XDH: variants seen among roughly 807,000 people sequenced by gnomAD.
XDH encodes the protein xanthine dehydrogenase/oxidase.
Under a neutral mutation model 156.1 loss-of-function variants are expected in XDH, and 138 were observed. The observed-to-expected ratio is 0.88, with a 90% confidence interval of 0.77 to 1.02. The LOEUF is 1.02. XDH is among the 50% of genes least tolerant of loss of function. The probability of loss-of-function intolerance (pLI) is 0.00; values close to 1 mark genes in which losing one functional copy is unlikely to be tolerated. For missense variants in XDH, 1,849 were observed against 1,684.9 expected (o/e 1.10, Z -1.71); for synonymous variants, 669 against 625.7 (o/e 1.07, Z -1.03).
intron 17 of XDH, among the ~76,000 whole-genome samples, chr2:31,371,079 G>A (rs991079297): frequency 1.3e-5 from 2 of 152,174 alleles, no homozygotes; most frequent in Admixed American, 6.5e-5. Flanking sequence ...CACATTCATT[G>A]TGCTATCCCA....
chr2:31,341,328 C>A lies in XDH; in HGVS notation c.3585+1G>T, dbSNP rs1188175668. 40 of 1,569,898 alleles carry A rather than the reference C, an allele frequency of 2.5e-5. No homozygotes were observed. Among genetic ancestry groups the A allele is most frequent in the Non-Finnish European group, 3.3e-5 (38 of 1,154,918 alleles). Reference sequence around the variant, plus strand: ...ACCACCCTGGTCCCACTGAGCCTCACCTGTCCAATATCAATGGCAGGGTTT... The same window carrying A: ...ACCACCCTGGTCCCACTGAGCCTCAACTGTCCAATATCAATGGCAGGGTTT... On this transcript the variant is annotated splice_donor_variant, in intron 33 of 35. Transcript: ENST00000379416. LOFTEE classifies it high-confidence loss of function.
intron 1 of XDH, among the ~76,000 whole-genome samples, chr2:31,407,748 A>G (rs1412548460): frequency 6.6e-6 from 1 of 152,208 alleles, no homozygotes; most frequent in Non-Finnish European, 1.5e-5. Context: ...AAAAATAACC[A>G]TAAGATTTTT....
At chr2:31,414,467 GTTACCAAAA>G (rs1457563110) in intron 1 of XDH, among the ~76,000 whole-genome samples, 149 bp downstream of exon 1, 1 of 151,824 alleles carries the variant, frequency 6.6e-6, no homozygotes, top group African/African-American at 2.4e-5. Context: ...CTTCCCTAAT[GTTACCAAAA>G]TGCAGCGACA....
chr2:31,364,998 T>A (rs1230590828), intron 23 of XDH, among the ~76,000 whole-genome samples: 1 of 152,172 alleles, frequency 6.6e-6, no homozygotes, highest in African/African-American at 2.4e-5. Context: ...GAGAGAAGTG[T>A]GGACCGTGTC....
At chr2:31,385,329 A>T (rs1249248252) in intron 9 of XDH, among the ~76,000 whole-genome samples, 1 of 152,132 alleles carries the variant, frequency 6.6e-6, no homozygotes, top group Non-Finnish European at 1.5e-5. Flanking sequence ...GTCTCAGCCC[A>T]CCCTGCTGCC....
At position 31,386,554 on chromosome 2, in the gene XDH, C is replaced by T; in HGVS notation, c.653G>A (p.Arg218Lys). The change falls in exon 9 of 36, where the codon AGG becomes AAG. Residue 218 changes from arginine (R) to lysine (K), a missense_variant and splice_region_variant. Physicochemically the swap from Arg to Lys is conservative, Grantham distance 26. Transcript: ENST00000379416. The stretch of plus-strand genomic sequence containing the variant: ...CTGCTTCCGAGGAGTGTCTTTCAGC[C>T]TCTGGGAAATGCAGTTTTCTTACTA... ...QEPIFPPELL[R>K]LKDTPRKQLR... is the part of the protein sequence containing the mutation. 1 of 1,614,186 alleles carries T rather than the reference C, an allele frequency of 6.2e-7. No homozygotes were observed. Among genetic ancestry groups the T allele is most frequent in the Non-Finnish European group, 8.5e-7 (1 of 1,180,044 alleles).
chr2:31,339,469 C>T lies in XDH; in HGVS notation c.3774+20G>A. Reference sequence around the variant, plus strand: ...CCAGGGCAGATCAGAAGAGACAGCACAGAGCCAGAGCAATGGTACCTTCGA... The same window carrying T: ...CCAGGGCAGATCAGAAGAGACAGCATAGAGCCAGAGCAATGGTACCTTCGA... On this transcript the variant is annotated intron_variant, in intron 34 of 35. Transcript: ENST00000379416. 1 of 1,613,554 alleles carries T rather than the reference C, an allele frequency of 6.2e-7. No individual in the cohort carries two copies. The highest frequency in any genetic ancestry group is 8.5e-7 in the Non-Finnish European group (1 of 1,180,044).
In XDH at chr2:31,335,170, C is replaced by A. The variant is rs572021839; in HGVS notation, c.*788G>T. 1 of 152,734 alleles carries A rather than the reference C, an allele frequency of 6.5e-6. No individual in the cohort carries two copies. The highest frequency in any genetic ancestry group is 2.1e-4 in the South Asian group (1 of 4,832). The allele number at this position is 152,734 out of a possible 1,614,324, so 9.5% of individuals were successfully genotyped here. A position where few individuals can be genotyped will look rare whatever the true frequency, so the allele number is the denominator to read the frequency against. ...ATAGGGGTGAGCCACCATGCCAGGA[C>A]TGATAGCATCATTTCTAGGTGGAAA... On this transcript the variant is annotated 3_prime_UTR_variant, in exon 36 of 36. Coordinates refer to ENST00000379416, the MANE Select transcript of XDH (RefSeq NM_000379.4).
chr2:31,397,823 T>C, intron 5 of XDH, 94 bp from the exon 6 acceptor site: 1 of 1,399,424 alleles, frequency 7.1e-7, no homozygotes, highest in Non-Finnish European at 1.0e-6. Flanking sequence ...GGGTGCTCTC[T>C]TTACCAGGCT....
chr2:31,378,091 AAAGAAAGAAAGAAAGAAAGGAAGGAAGG>A (rs1686304323), intron 13 of XDH, among the ~76,000 whole-genome samples: 25 of 49,690 alleles, frequency 5.0e-4, no homozygotes, highest in African/African-American at 2.1e-3. Flanking sequence ...AGAAAGAAAG[AAAGAAAGAAAGAAAGAAAGGAAGGAAGG>A]AAGGAAGGAA....
chr2:31,336,111 G>C (rs774390634), intron 35 of XDH, 103 bp from the exon 36 acceptor site: 49 of 1,244,138 alleles, frequency 3.9e-5, no homozygotes, highest in Non-Finnish European at 5.7e-5. Flanking sequence ...ATCATTCCAA[G>C]GCCAAGCACC....
rs1172253757 is a variant in XDH at position 31,341,395 on chromosome 2, C to G, written c.3520-1G>C. On this transcript the variant is annotated splice_acceptor_variant, in intron 32 of 35. Coordinates refer to ENST00000379416, the MANE Select transcript of XDH (RefSeq NM_000379.4). LOFTEE classifies it high-confidence loss of function. ...CCATGACAATATCTGTGCGGAGGTTCTAGAGTAGACAGCAAAATTACAAGA... is the reference window on the plus strand; with the variant it reads ...CCATGACAATATCTGTGCGGAGGTTGTAGAGTAGACAGCAAAATTACAAGA... The G allele has an allele frequency of 3.2e-6, 5 of 1,573,890 alleles. No individual in the cohort carries two copies. Among genetic ancestry groups the G allele is most frequent in the Non-Finnish European group, 4.3e-6 (5 of 1,156,836 alleles).
chr2:31,350,649 C>T (rs1312847218), intron 24 of XDH, among the ~76,000 whole-genome samples: 1 of 152,186 alleles, frequency 6.6e-6, no homozygotes, highest in African/African-American at 2.4e-5. Context: ...GCTGGGATTA[C>T]AGGCATGAGC....
In XDH at chr2:31,334,988, G is replaced by A. The variant is rs987784600; in HGVS notation, c.*970C>T. On this transcript the variant is annotated 3_prime_UTR_variant, in exon 36 of 36. Coordinates refer to ENST00000379416, the MANE Select transcript of XDH (RefSeq NM_000379.4). ...GAGCTCAAATGATCTCTCCACCTCAGCCTTTCAAGTAGTTGGGACTACAGG... is the reference window on the plus strand; with the variant it reads ...GAGCTCAAATGATCTCTCCACCTCAACCTTTCAAGTAGTTGGGACTACAGG... The A allele has an allele frequency of 1.3e-5, 2 of 152,130 alleles. No individual in the cohort carries two copies. Among genetic ancestry groups the A allele is most frequent in the Non-Finnish European group, 2.9e-5 (2 of 68,046 alleles). The allele number at this position is 152,130 out of a possible 1,614,324, so 9.4% of individuals were successfully genotyped here.
chr2:31,379,097 C>T (rs950926929), intron 13 of XDH, among the ~76,000 whole-genome samples: 1 of 152,190 alleles, frequency 6.6e-6, no homozygotes, highest in Non-Finnish European at 1.5e-5. Context: ...CCCCAAGCCT[C>T]TCCCAGATGC....
rs756756161 is a variant in XDH, at chr2:31,339,634, T to G, written c.3629A>C (p.Glu1210Ala). 1 of 1,614,144 alleles carries G rather than the reference T, an allele frequency of 6.2e-7. No homozygotes were observed. Among genetic ancestry groups the G allele is most frequent in the Non-Finnish European group, 8.5e-7 (1 of 1,180,024 alleles). The change falls in exon 34 of 36, where the codon GAG (glutamate) becomes GCG (alanine). Residue 1210 changes from glutamate (E) to alanine (A), a missense_variant. By Grantham distance (107) the Glu-to-Ala change is moderately radical (BLOSUM62 -1). Transcript: ENST00000379416. The stretch of plus-strand genomic sequence containing the variant: ...CCCCTCGGGGGAATAGTGTAGCTCC[T>G]CTAGGGTGAAGAGGCCAAGGCCCTG... ...FVQGLGLFTL[E>A]ELHYSPEGSL...
intron 17 of XDH, among the ~76,000 whole-genome samples, chr2:31,371,987 C>T (rs1038616654): frequency 2.6e-5 from 4 of 152,254 alleles, no homozygotes; most frequent in African/African-American, 9.6e-5. Context: ...CTGCCACTTA[C>T]CAACTGTGTG....
intron 3 of XDH, among the ~76,000 whole-genome samples, chr2:31,401,792 G>A (rs1378821122): frequency 2.0e-5 from 3 of 152,178 alleles, no homozygotes; most frequent in Non-Finnish European, 4.4e-5. Flanking sequence ...AAAGGGGGAG[G>A]AAACCCCCAG....
At chr2:31,339,444 C>T in intron 34 of XDH, 45 bp downstream of exon 34, 1 of 1,612,670 alleles carries the variant, frequency 6.2e-7, no homozygotes, top group East Asian at 2.2e-5. Context: ...GGGGCCTCCC[C>T]CAGGGCAGAT....
Sources: gnomAD v4.1 joint callset for allele counts (sites outside exome capture counted in the v4.1 genomes callset) on GRCh38, gnomAD v4.1.1 for gene constraint, MANE v1.5 for transcripts, NCBI Gene and HGNC (gene_info 2026-07-23, HGNC 2026-07-21) for gene names.